Variants in PAMR1 observed in about 807,000 individuals in gnomAD.
The protein encoded by PAMR1 is inactive serine protease PAMR1.
A neutral mutation model predicts 81.8 loss-of-function variants in PAMR1; 88 were observed. That is an observed-to-expected ratio of 1.08 (90% CI 0.91 to 1.28). The LOEUF is 1.28. Among genes scored for constraint, PAMR1 ranks in the 50% most tolerant of loss-of-function variants. PAMR1 has a pLI of 0.00. For synonymous variants in PAMR1, 336 were observed against 345.3 expected, an observed-to-expected ratio of 0.97 and a Z score of 0.30; for missense variants, 935 against 919.7, an observed-to-expected ratio of 1.02 and a Z score of -0.21.
At position 35,525,595 on chromosome 11, in the gene PAMR1, G is replaced by A; in HGVS notation, c.-10C>T. Reference sequence around the variant, plus strand: ...AGCAACCCAGCTCCATCCTTGCCGCGGCTGGTGCCCGAGCGTCTACTGGGG... The same window carrying A: ...AGCAACCCAGCTCCATCCTTGCCGCAGCTGGTGCCCGAGCGTCTACTGGGG... On this transcript the variant is annotated 5_prime_UTR_variant, in exon 1 of 11. Coordinates refer to ENST00000619888, the MANE Select transcript of PAMR1 (RefSeq NM_001001991.3). The A allele has an allele frequency of 6.2e-7, 1 of 1,613,416 alleles. No homozygotes were observed. The highest frequency in any genetic ancestry group is 8.5e-7 in the Non-Finnish European group (1 of 1,179,672).
intron 4 of PAMR1, among the ~76,000 whole-genome samples, chr11:35,472,056 C>A (rs1284944520): frequency 1.3e-5 from 2 of 152,148 alleles, no homozygotes; most frequent in African/African-American, 4.8e-5. Context: ...ATCCAATAAC[C>A]GAGTTTCATC....
At chr11:35,489,990 T>C (rs964950151) in intron 3 of PAMR1, among the ~76,000 whole-genome samples, 2 of 152,156 alleles carry the variant, frequency 1.3e-5, no homozygotes, top group Non-Finnish European at 2.9e-5. Context: ...TGAGACTGGG[T>C]AATTTGTAAA....
chr11:35,501,823 C>T (rs1216952999), intron 1 of PAMR1, among the ~76,000 whole-genome samples: 1 of 152,224 alleles, frequency 6.6e-6, no homozygotes, highest in Non-Finnish European at 1.5e-5. Context: ...TTTTCTTTCA[C>T]CAATCATCCA....
chr11:35,451,964 T>C (rs1856428474), intron 6 of PAMR1: 2 of 678,178 alleles, frequency 2.9e-6, no homozygotes, highest in South Asian at 1.6e-5. Flanking sequence ...GTTTGTTGTT[T>C]AAGTCACCCA....
intron 6 of PAMR1, among the ~76,000 whole-genome samples, chr11:35,463,956 G>A (rs1856711353): frequency 1.3e-5 from 2 of 152,188 alleles, no homozygotes; most frequent in African/African-American, 2.4e-5. Flanking sequence ...GCTTGACAAG[G>A]ATGGATCCTA....
intron 1 of PAMR1, among the ~76,000 whole-genome samples, chr11:35,509,441 C>T (rs1466513570): frequency 6.6e-6 from 1 of 152,146 alleles, no homozygotes; most frequent in African/African-American, 2.4e-5. Context: ...GTGCTAAGGG[C>T]CAGTTCCAGA....
At chr11:35,514,382 T>C (rs1851126401) in intron 1 of PAMR1, among the ~76,000 whole-genome samples, 1 of 152,254 alleles carries the variant, frequency 6.6e-6, no homozygotes, top group Non-Finnish European at 1.5e-5. Context: ...GTTTATATCA[T>C]GGCATTGTGG....
intron 3 of PAMR1, among the ~76,000 whole-genome samples, chr11:35,490,055 T>G (rs370742310): frequency 3.5e-4 from 53 of 152,326 alleles, no homozygotes; most frequent in African/African-American, 1.2e-3. Context: ...CTTGCAATCA[T>G]GGCAGAAGGC....
At chr11:35,451,970 AC>A in intron 6 of PAMR1, 2 of 672,934 alleles carry the variant, frequency 3.0e-6, no homozygotes, top group Non-Finnish European at 5.4e-6. Context: ...TGTTTAAGTC[AC>A]CCAGTCTATG....
chr11:35,503,819 C>T (rs1397382447), intron 1 of PAMR1, among the ~76,000 whole-genome samples: 1 of 151,958 alleles, frequency 6.6e-6, no homozygotes, highest in Admixed American at 6.6e-5. Flanking sequence ...GCAAGCAAGG[C>T]TAATTTGACT....
intron 6 of PAMR1, among the ~76,000 whole-genome samples, chr11:35,445,793 G>GT (rs1255140775): frequency 1.1e-4 from 16 of 152,096 alleles, no homozygotes; most frequent in African/African-American, 3.9e-4. Flanking sequence ...CTGAAGTTTT[G>GT]TTTTTTTGTT....
intron 1 of PAMR1, among the ~76,000 whole-genome samples, chr11:35,515,319 C>G (rs560675419): frequency 3.3e-5 from 5 of 152,280 alleles, no homozygotes; most frequent in Non-Finnish European, 7.4e-5. Context: ...GAAGCAGAAG[C>G]CAGATTTTCT....
intron 1 of PAMR1, among the ~76,000 whole-genome samples, chr11:35,521,615 G>A (rs995698787): frequency 7.9e-5 from 12 of 152,126 alleles, no homozygotes; most frequent in Non-Finnish European, 1.3e-4. Context: ...CTCCCTCTTT[G>A]CCACAACCAG....
chr11:35,445,579 T>G (rs1856272972), intron 6 of PAMR1, among the ~76,000 whole-genome samples: 1 of 129,602 alleles, frequency 7.7e-6, no homozygotes, highest in Admixed American at 8.2e-5. Flanking sequence ...GGCTTTTCTG[T>G]GTCTATTTAA....
rs765188574 is a variant in PAMR1, at chr11:35,494,158, C to A, written c.188G>T (p.Gly63Val). The change falls in exon 2 of 11, where the codon GGT becomes GTT. Residue 63 changes from glycine to valine, a missense_variant. Physicochemically the swap from Gly to Val is moderately radical, Grantham distance 109. Coordinates refer to ENST00000619888, the MANE Select transcript of PAMR1 (RefSeq NM_001001991.3). ...ATTCCTGCAGCAAGGGATGGTATAA[C>A]CCACGACTTCCCTCTTTCCGGGGCA... ...CVCPGKREVV[G>V]YTIPCCRNEE... 6.2e-7 allele frequency: 1 copy of A among 1,614,094 alleles called. No homozygotes were observed. The highest frequency in any genetic ancestry group is 1.1e-5 in the South Asian group (1 of 91,078).
intron 6 of PAMR1, among the ~76,000 whole-genome samples, chr11:35,453,946 T>C (rs1002404691): frequency 5.9e-5 from 9 of 152,214 alleles, no homozygotes; most frequent in African/African-American, 2.2e-4. Flanking sequence ...TGCCCTTACA[T>C]GCTATTGCAT....
In PAMR1 at chr11:35,432,542, A is replaced by G. The variant is rs1855929876; in HGVS notation, c.1977T>C (p.Asp659=). The change falls in exon 11 of 11, where the codon GAT becomes GAC. Residue 659 remains aspartate (D), a synonymous_variant. Transcript: ENST00000619888. The part of the protein sequence containing the change: ...CASWEPTAPS[D]ICTAETGGIA... ...TGCCTCCTGTCTCTGCAGTGCAGATATCAGAAGGGGCAGTGGGTTCCCAGC... is the reference window on the plus strand; with the variant it reads ...TGCCTCCTGTCTCTGCAGTGCAGATGTCAGAAGGGGCAGTGGGTTCCCAGC... 1 of 1,614,226 alleles carries G rather than the reference A, an allele frequency of 6.2e-7. No individual in the cohort carries two copies.
At chr11:35,523,723 T>C (rs553136481) in intron 1 of PAMR1, among the ~76,000 whole-genome samples, 2 of 152,360 alleles carry the variant, frequency 1.3e-5, no homozygotes, top group South Asian at 4.1e-4. Flanking sequence ...TTCTCCACGC[T>C]ATTCCTCCGT....
Position 35,467,444 on chromosome 11 carries a change from T to G in PAMR1, c.820+557A>C, listed in dbSNP as rs374550364. Among the ~76,000 whole-genome samples the G allele has an allele frequency of 5.9e-5, 9 of 152,224 alleles. No homozygotes were observed. In the East Asian group the frequency reaches 1.7e-3, roughly 29 times the overall value. On this transcript the variant is annotated intron_variant, in intron 6 of 10. Transcript: ENST00000619888. Reference sequence around the variant, plus strand: ...TTCCATCTGTGACACCTGTTTTCGGTCTGGTAACCAAGGCCTTATATAAGA... The same window carrying G: ...TTCCATCTGTGACACCTGTTTTCGGGCTGGTAACCAAGGCCTTATATAAGA...
Sources: allele counts gnomAD v4.1 joint callset (sites outside exome capture counted in the v4.1 genomes callset), GRCh38; gene constraint gnomAD v4.1.1; transcripts MANE v1.5; gene names NCBI Gene and HGNC (gene_info 2026-07-23, HGNC 2026-07-21).